CCDC181: variants seen among roughly 807,000 people sequenced by gnomAD.
CCDC181 encodes the protein coiled-coil domain containing 181.
CCDC181 carries 35 observed loss-of-function variants against 58.7 expected under a neutral mutation model. That is an observed-to-expected ratio of 0.60 (90% CI 0.46 to 0.79). The LOEUF (loss-of-function observed/expected upper bound fraction) is 0.79, where lower values mean the gene tolerates loss of function less well. Among genes scored for constraint, CCDC181 ranks in the 30% least tolerant of loss-of-function variants. The probability of loss-of-function intolerance (pLI) is 0.00; values close to 1 mark genes in which losing one functional copy is unlikely to be tolerated. For missense variants in CCDC181, 517 were observed against 583.9 expected (o/e 0.89, Z 1.18); for synonymous variants, 183 against 197.5 (o/e 0.93, Z 0.62).
At chr1:169,418,967 G>A (rs764076684) in intron 4 of CCDC181, 46 bp downstream of exon 4, 6 of 1,474,246 alleles carry the variant, frequency 4.1e-6, no homozygotes, top group Non-Finnish European at 2.8e-6. Context: ...AATAAGTTCA[G>A]CTTTCATATC....
intron 4 of CCDC181, among the ~76,000 whole-genome samples, chr1:169,411,888 A>G (rs1462741463): frequency 2.0e-5 from 3 of 152,246 alleles, no homozygotes; most frequent in Admixed American, 6.5e-5. Flanking sequence ...TCAAAATAAT[A>G]AGAGCTATTT....
At chr1:169,433,760 G>A (rs911675453) in intron 2 of CCDC181, among the ~76,000 whole-genome samples, 5 of 151,842 alleles carry the variant, frequency 3.3e-5, no homozygotes, top group Non-Finnish European at 7.4e-5. Flanking sequence ...CCCTTACCTC[G>A]CACCATATTC....
chr1:169,395,295 G>A, intron 5 of CCDC181, 89 bp from the exon 6 acceptor site: 1 of 1,164,438 alleles, frequency 8.6e-7, no homozygotes, highest in Non-Finnish European at 1.1e-6. Context: ...CAAAATAAAT[G>A]GACATTTCTT....
chr1:169,412,699 G>C (rs1656034255), intron 4 of CCDC181, among the ~76,000 whole-genome samples: 2 of 152,300 alleles, frequency 1.3e-5, no homozygotes, highest in East Asian at 3.9e-4. Context: ...GAACAGAACA[G>C]AGGACTCAGA....
In CCDC181 at chr1:169,448,925, C is replaced by T. The variant is rs538224463; in HGVS notation, c.-24+10872G>A. 1.4e-3 allele frequency among the ~76,000 whole-genome samples: 206 copies of T among 151,992 alleles called. 2 individuals carry two copies. The highest frequency in any genetic ancestry group is 4.6e-3 in the African/African-American group (190 of 41,490). On this transcript the variant is annotated intron_variant, in intron 2 of 6. Coordinates refer to the CCDC181 transcript ENST00000545005. Reference sequence around the variant, plus strand: ...TATCTTCTAGCTTAGTGGATTTTTTCTTCTGTTATGCCATGTGTACTGATG... The same window carrying T: ...TATCTTCTAGCTTAGTGGATTTTTTTTTCTGTTATGCCATGTGTACTGATG...
chr1:169,405,484 ACC>A (rs1655596773), intron 4 of CCDC181, among the ~76,000 whole-genome samples: 4 of 152,050 alleles, frequency 2.6e-5, no homozygotes, highest in African/African-American at 9.7e-5. Flanking sequence ...ACAGAACAGA[ACC>A]CTCAGAAATA....
At chr1:169,432,057 C>A (rs186017289), upstream of CCDC181, among the ~76,000 whole-genome samples, 110 of 151,870 alleles carry the variant, frequency 7.2e-4, 1 homozygote, top group African/African-American at 2.5e-3. Flanking sequence ...CCTGAGAAGA[C>A]CTTAAATCAT....
chr1:169,412,106 A>G (rs1390456512), intron 4 of CCDC181, among the ~76,000 whole-genome samples: 1 of 152,210 alleles, frequency 6.6e-6, no homozygotes, highest in Non-Finnish European at 1.5e-5. Context: ...TTTGCAGATG[A>G]TATTATTGTA....
intron 4 of CCDC181, among the ~76,000 whole-genome samples, chr1:169,410,795 G>C (rs1286461665): frequency 2.6e-5 from 4 of 151,988 alleles, no homozygotes; most frequent in Non-Finnish European, 5.9e-5. Flanking sequence ...ATGACTACTG[G>C]GTAAATAACG....
In CCDC181 at chr1:169,421,934, A is replaced by C; in HGVS notation, c.497T>G (p.Leu166Arg). The change falls in exon 3 of 6, where the codon CTA becomes CGA. Residue 166 changes from leucine (L) to arginine (R), a missense_variant. Leu to Arg is a moderately radical substitution (Grantham distance 102, BLOSUM62 -2). Coordinates refer to ENST00000367806, the MANE Select transcript of CCDC181 (RefSeq NM_001300969.2). The stretch of plus-strand genomic sequence containing the variant: ...ATTTTTAAAAGTAGTAGTGTCTTCT[A>C]GTGGAGGAACTTCCAAATCAACTAA... ...DQLVDLEVPPLEDTTTFKNYF... is the reference protein window; with the variant it reads ...DQLVDLEVPPREDTTTFKNYF... 2 of 1,613,914 alleles carry C rather than the reference A, an allele frequency of 1.2e-6. No homozygotes were observed. The highest frequency in any genetic ancestry group is 1.7e-6 in the Non-Finnish European group (2 of 1,179,912).
intron 3 of CCDC181, among the ~76,000 whole-genome samples, chr1:169,419,683 A>G (rs1365201205): frequency 6.6e-6 from 1 of 152,224 alleles, no homozygotes; most frequent in African/African-American, 2.4e-5. Flanking sequence ...TAAATTTTAC[A>G]TTATTTATAC....
intron 2 of CCDC181, among the ~76,000 whole-genome samples, chr1:169,448,918 A>AT (rs1280594127): frequency 6.6e-6 from 1 of 151,498 alleles, no homozygotes; most frequent in Non-Finnish European, 1.5e-5. Flanking sequence ...AGCTTAGTGG[A>AT]TTTTTTCTTC....
intron 2 of CCDC181, among the ~76,000 whole-genome samples, chr1:169,450,581 A>G (rs1451565068): frequency 6.6e-6 from 1 of 152,182 alleles, no homozygotes; most frequent in Non-Finnish European, 1.5e-5. Flanking sequence ...GGTTGTTTCT[A>G]CCTTTGACTA....
At chr1:169,460,223 A>G (rs1273380420) in intron 1 of CCDC181, 1 of 152,238 alleles carries the variant, frequency 6.6e-6, no homozygotes, top group Non-Finnish European at 1.5e-5. Flanking sequence ...TTAAAACGTC[A>G]CAGACCGCAG....
chr1:169,407,110 T>A (rs1372114906), intron 4 of CCDC181, among the ~76,000 whole-genome samples: 1 of 144,378 alleles, frequency 6.9e-6, no homozygotes, highest in African/African-American at 2.5e-5. Context: ...ATTTCCCAAA[T>A]CTGGTACAAA....
intron 2 of CCDC181, among the ~76,000 whole-genome samples, chr1:169,447,848 A>G (rs1048824344): frequency 9.2e-5 from 14 of 152,160 alleles, no homozygotes; most frequent in African/African-American, 3.4e-4. Context: ...TTAGCATAGT[A>G]TATCTTTTTC....
chr1:169,439,338 G>A lies in CCDC181; in HGVS notation c.-23-14388C>T, dbSNP rs531367949. On this transcript the variant is annotated intron_variant, in intron 2 of 6. Coordinates refer to the CCDC181 transcript ENST00000545005. The stretch of plus-strand genomic sequence containing the variant: ...AGACACCCCACCATGGGGCTACAGA[G>A]AGACACCCTGTGATAGGGCTACTGT... Among the ~76,000 whole-genome samples the A allele has an allele frequency of 1.1e-3, 162 of 152,328 alleles. 1 individual carries two copies. The highest frequency in any genetic ancestry group is 3.5e-3 in the African/African-American group (147 of 41,576).
chr1:169,419,147 T>C lies in CCDC181; in HGVS notation c.1081A>G (p.Lys361Glu), dbSNP rs767154235. ...EKLKREEERR[K>E]IEEEKEKKRE... ...TTTTTTTCTTTCTCTTCTTCTATTT[T>C]TCGTCGCTCTTCCTAGTAAAAGAAT... Residue 361 changes from lysine (K) to glutamate (E), a missense_variant, in exon 4 of 6, where the codon AAA becomes GAA. Physicochemically the swap from Lys to Glu is moderately conservative, Grantham distance 56. Transcript: ENST00000367806. 6.3e-7 allele frequency: 1 copy of C among 1,596,212 alleles called. No individual in the cohort carries two copies. Among genetic ancestry groups the C allele is most frequent in the Non-Finnish European group, 8.5e-7 (1 of 1,172,980 alleles).
rs144112318 is a variant in CCDC181, at chr1:169,401,906, A to C, written c.1216-4515T>G. Among the ~76,000 whole-genome samples the C allele has an allele frequency of 9.8e-5, 15 of 152,314 alleles. 1 individual carries two copies. The East Asian group carries it at 2.9e-3, about 29-fold the overall frequency. On this transcript the variant is annotated intron_variant, in intron 4 of 5. Transcript: ENST00000367806. ...CATCGCAAAGAAGCTAAAAACCTTG[A>C]AAAAAAGATTAGACGAATGGCTAAC...
Sources: gnomAD v4.1 joint callset for allele counts (sites outside exome capture counted in the v4.1 genomes callset) on GRCh38, gnomAD v4.1.1 for gene constraint, MANE v1.5 for transcripts, NCBI Gene and HGNC (gene_info 2026-07-23, HGNC 2026-07-21) for gene names.